NR6A1: variants seen among roughly 807,000 people sequenced by gnomAD.
NR6A1 encodes retinoic acid receptor-related testis-associated receptor.
Under a neutral mutation model 59.1 loss-of-function variants are expected in NR6A1, and 7 were observed. That is an observed-to-expected ratio of 0.12 (90% CI 0.07 to 0.22). The LOEUF is 0.22. Among genes scored for constraint, NR6A1 ranks in the 10% least tolerant of loss-of-function variants. The pLI, the probability that NR6A1 is intolerant of heterozygous loss-of-function variation, is 1.00. For missense variants in NR6A1, 468 were observed against 611.6 expected, an observed-to-expected ratio of 0.77 and a Z score of 2.48; for synonymous variants, 243 against 236.1, an observed-to-expected ratio of 1.03 and a Z score of -0.27.
intron 2 of NR6A1, among the ~76,000 whole-genome samples, chr9:124,625,651 T>C (rs1055199977): frequency 2.0e-5 from 3 of 152,220 alleles, no homozygotes; most frequent in African/African-American, 7.2e-5. Context: ...GTTATTTTTA[T>C]GCCAACTTGC....
Position 124,588,694 on chromosome 9 carries a change from TG to T in NR6A1, c.143-34125del, listed in dbSNP as rs1157551367. Among the ~76,000 whole-genome samples the T allele has an allele frequency of 1.1e-4, 16 of 146,894 alleles. No individual in the cohort carries two copies. The East Asian group carries it at 2.3e-3, about 22-fold the overall frequency. ...CAGCACTTTGGGAGGCCGAAGCAGG[TG>T]GATCACAAAGTCAGGAGATCGACAC... On this transcript the variant is annotated intron_variant, in intron 2 of 9. Coordinates refer to ENST00000487099, the MANE Select transcript of NR6A1 (RefSeq NM_033334.4).
intron 2 of NR6A1, among the ~76,000 whole-genome samples, chr9:124,589,866 AC>A (rs1406823122): frequency 1.3e-5 from 2 of 152,008 alleles, no homozygotes; most frequent in East Asian, 1.9e-4. Context: ...AGAGATCGAG[AC>A]CATCCTGGGC....
intron 2 of NR6A1, among the ~76,000 whole-genome samples, chr9:124,593,742 T>C (rs1033804155): frequency 1.3e-5 from 2 of 152,226 alleles, no homozygotes; most frequent in African/African-American, 4.8e-5. Flanking sequence ...AGGCAGGGGC[T>C]GTGCACAAGG....
At chr9:124,580,207 CAT>C (rs1168315460) in intron 2 of NR6A1, among the ~76,000 whole-genome samples, 2 of 152,146 alleles carry the variant, frequency 1.3e-5, no homozygotes, top group Non-Finnish European at 2.9e-5. Flanking sequence ...GATCAACAAA[CAT>C]ATAACAGAAT....
intron 2 of NR6A1, among the ~76,000 whole-genome samples, chr9:124,593,885 A>G (rs1324872704): frequency 2.0e-5 from 3 of 152,138 alleles, no homozygotes; most frequent in Non-Finnish European, 4.4e-5. Flanking sequence ...TCTGAAAGAT[A>G]GCTTAAGAAA....
intron 2 of NR6A1, among the ~76,000 whole-genome samples, chr9:124,653,096 G>A (rs79771796): frequency 0.01 from 1,567 of 151,534 alleles, 27 homozygotes; most frequent in African/African-American, 0.036. Flanking sequence ...AACATAGTAC[G>A]AGCAAGAACT....
intron 2 of NR6A1, among the ~76,000 whole-genome samples, chr9:124,601,583 C>CAAAAAAAAAAAAAAAA (rs11346749): frequency 1.1e-5 from 1 of 90,026 alleles, no homozygotes; most frequent in African/African-American, 4.2e-5. Context: ...GACTCTGTGT[C>CAAAAAAAAAAAAAAAA]AAAAAAAAAA....
chr9:124,676,328 G>A (rs932870182), intron 2 of NR6A1, among the ~76,000 whole-genome samples: 1 of 151,882 alleles, frequency 6.6e-6, no homozygotes, highest in African/African-American at 2.4e-5. Flanking sequence ...TATGAGCTTT[G>A]GCAGCTGCAC....
chr9:124,531,290 G>A (rs932297208), intron 7 of NR6A1, among the ~76,000 whole-genome samples: 3 of 152,176 alleles, frequency 2.0e-5, no homozygotes, highest in African/African-American at 7.2e-5. Context: ...GTCACTGGCT[G>A]GTGCTACAAT....
At chr9:124,565,654 A>G (rs528979274) in intron 2 of NR6A1, among the ~76,000 whole-genome samples, 49 of 152,342 alleles carry the variant, frequency 3.2e-4, no homozygotes, top group African/African-American at 1.1e-3. Context: ...AACCCAGTAG[A>G]AAAATGTGTG....
chr9:124,672,429 A>G (rs1356448807), intron 2 of NR6A1, among the ~76,000 whole-genome samples: 1 of 152,068 alleles, frequency 6.6e-6, no homozygotes, highest in Non-Finnish European at 1.5e-5. Context: ...AGCCTGGCCA[A>G]CATAGTGAAA....
At chr9:124,738,056 C>A (rs575484722) in intron 1 of NR6A1, among the ~76,000 whole-genome samples, 1 of 152,232 alleles carries the variant, frequency 6.6e-6, no homozygotes, top group African/African-American at 2.4e-5. Flanking sequence ...GAGTTCAAGA[C>A]CAGCCTGGCC....
chr9:124,583,944 G>A (rs574391616), intron 2 of NR6A1, among the ~76,000 whole-genome samples: 1 of 152,242 alleles, frequency 6.6e-6, no homozygotes, highest in African/African-American at 2.4e-5. Flanking sequence ...ATTTCCCTCT[G>A]CTAGACTTGG....
intron 2 of NR6A1, among the ~76,000 whole-genome samples, chr9:124,666,236 T>C (rs1243219589): frequency 2.0e-5 from 3 of 151,588 alleles, no homozygotes; most frequent in Admixed American, 6.6e-5. Flanking sequence ...TTATCTGTTA[T>C]TGTGACCTAG....
chr9:124,580,876 G>C (rs993814699), intron 2 of NR6A1, among the ~76,000 whole-genome samples: 1 of 152,024 alleles, frequency 6.6e-6, no homozygotes, highest in African/African-American at 2.4e-5. Flanking sequence ...CATGCTACCT[G>C]ACTTCAGACT....
intron 2 of NR6A1, among the ~76,000 whole-genome samples, chr9:124,587,531 C>T (rs1290000559): frequency 2.0e-5 from 3 of 152,104 alleles, no homozygotes; most frequent in Non-Finnish European, 2.9e-5. Flanking sequence ...TAAGTGAAAC[C>T]GGATGTTCTA....
chr9:124,625,320 G>C (rs1836205332), intron 2 of NR6A1, among the ~76,000 whole-genome samples: 2 of 152,148 alleles, frequency 1.3e-5, no homozygotes, highest in South Asian at 4.1e-4. Flanking sequence ...AAATACTTTA[G>C]AAAGAGCAAT....
At chr9:124,701,021 A>G (rs935102030) in intron 2 of NR6A1, among the ~76,000 whole-genome samples, 1 of 152,128 alleles carries the variant, frequency 6.6e-6, no homozygotes, top group Non-Finnish European at 1.5e-5. Context: ...TTGGCCTCCC[A>G]AAGTGCTGAG....
chr9:124,750,152 T>C (rs1453557585), intron 1 of NR6A1, among the ~76,000 whole-genome samples: 4 of 152,248 alleles, frequency 2.6e-5, no homozygotes, highest in Non-Finnish European at 5.9e-5. Context: ...GTCCCTACCA[T>C]GTTAAGGCTC....
Sources: gnomAD v4.1 joint callset for allele counts (sites outside exome capture counted in the v4.1 genomes callset) on GRCh38, gnomAD v4.1.1 for gene constraint, MANE v1.5 for transcripts, NCBI Gene and HGNC (gene_info 2026-07-23, HGNC 2026-07-21) for gene names.